Variants in EIF4G3 observed in about 807,000 individuals in gnomAD.
The protein encoded by EIF4G3 is eukaryotic translation initiation factor 4 gamma 3.
A neutral mutation model predicts 186.4 loss-of-function variants in EIF4G3; 34 were observed. That is an observed-to-expected ratio of 0.18 (90% CI 0.14 to 0.24). The LOEUF (loss-of-function observed/expected upper bound fraction) is 0.24, where lower values mean the gene tolerates loss of function less well. EIF4G3 is among the 10% of genes least tolerant of loss of function. The pLI, the probability that EIF4G3 is intolerant of heterozygous loss-of-function variation, is 1.00. For synonymous variants in EIF4G3, 673 were observed against 679.5 expected (o/e 0.99, Z 0.15); for missense variants, 1,536 against 1,948.5 (o/e 0.79, Z 3.99).
At chr1:21,150,684 T>A (rs545804173) in intron 2 of EIF4G3, among the ~76,000 whole-genome samples, 1 of 152,276 alleles carries the variant, frequency 6.6e-6, no homozygotes, top group Admixed American at 6.5e-5. Flanking sequence ...TTGCTAATTA[T>A]AAAAATAACT....
At chr1:20,947,628 G>A (rs2096024074) in intron 13 of EIF4G3, among the ~76,000 whole-genome samples, 1 of 152,086 alleles carries the variant, frequency 6.6e-6, no homozygotes. Flanking sequence ...GAGTAAGGCA[G>A]AAACAGAGAA....
intron 10 of EIF4G3, among the ~76,000 whole-genome samples, chr1:20,973,788 C>T (rs1558510079): frequency 6.6e-6 from 1 of 152,184 alleles, no homozygotes; most frequent in Non-Finnish European, 1.5e-5. Context: ...GACTGTACTG[C>T]CCATCTGCCT....
intron 4 of EIF4G3, among the ~76,000 whole-genome samples, chr1:21,010,419 C>CAAAAAAAA (rs11318361): frequency 2.0e-5 from 2 of 101,152 alleles, no homozygotes; most frequent in African/African-American, 7.9e-5. Context: ...GACTCTGTCT[C>CAAAAAAAA]AAAAAAAAAA....
At chr1:20,941,258 C>G in intron 14 of EIF4G3, 1 of 1,548,874 alleles carries the variant, frequency 6.5e-7, no homozygotes, top group Non-Finnish European at 8.7e-7. Context: ...GTGACATATA[C>G]CTTGGAGGCA....
chr1:20,831,539 T>TC (rs1183907835), intron 30 of EIF4G3, among the ~76,000 whole-genome samples: 2 of 151,640 alleles, frequency 1.3e-5, no homozygotes, highest in Non-Finnish European at 2.9e-5. Flanking sequence ...TTTGCATTTT[T>TC]CTTTTTTTTT....
At chr1:20,911,565 A>T (rs2093223245) in intron 14 of EIF4G3, among the ~76,000 whole-genome samples, 1 of 147,586 alleles carries the variant, frequency 6.8e-6, no homozygotes, top group Non-Finnish European at 1.5e-5. Flanking sequence ...TGCCTCAAAA[A>T]AAAAAAAAAA....
rs1242883140 is a variant in EIF4G3, at chr1:21,024,343, T to TG, written c.-66-21536dup. Among the ~76,000 whole-genome samples, 434 of 139,898 alleles carry TG rather than the reference T, an allele frequency of 3.1e-3. 3 individuals carry two copies. The highest frequency in any genetic ancestry group is 3.9e-3 in the Non-Finnish European group (252 of 64,218). 91.8% of individuals were successfully genotyped at this position (139,898 alleles called of 152,430 possible). A position where few individuals can be genotyped will look rare whatever the true frequency, so the allele number is the denominator to read the frequency against. ...CCAGCCGCCCCGACCGTGAGGGAGG[T>TG]GGGGGGGTCAGCCCCCTGCCCAGCC... is the stretch of plus-strand genomic sequence containing the variant. On this transcript the variant is annotated intron_variant, in intron 4 of 36. Coordinates refer to ENST00000602326, the MANE Select transcript of EIF4G3 (RefSeq NM_001391906.1).
intron 2 of EIF4G3, among the ~76,000 whole-genome samples, chr1:21,157,933 A>G (rs751673213): frequency 2.0e-5 from 3 of 152,158 alleles, no homozygotes; most frequent in Non-Finnish European, 2.9e-5. Flanking sequence ...CTGAAATACA[A>G]GGGAATAATG....
intron 4 of EIF4G3, among the ~76,000 whole-genome samples, chr1:21,023,146 A>G (rs1486172865): frequency 6.6e-6 from 1 of 152,058 alleles, no homozygotes; most frequent in Non-Finnish European, 1.5e-5. Flanking sequence ...GTTGAAAAAG[A>G]CACGATTCCT....
At chr1:20,835,205 G>A (rs925633778) in intron 30 of EIF4G3, among the ~76,000 whole-genome samples, 2 of 152,036 alleles carry the variant, frequency 1.3e-5, no homozygotes, top group African/African-American at 2.4e-5. Context: ...ACAACATACC[G>A]ACACTTATAG....
chr1:20,947,107 C>A (rs2095985430), intron 13 of EIF4G3, among the ~76,000 whole-genome samples: 1 of 152,074 alleles, frequency 6.6e-6, no homozygotes, highest in South Asian at 2.1e-4. Flanking sequence ...AGCACCTTGG[C>A]AGGCCGTAGC....
intron 14 of EIF4G3, among the ~76,000 whole-genome samples, chr1:20,940,467 CATCTCA>C: frequency 6.6e-6 from 1 of 152,178 alleles, no homozygotes; most frequent in East Asian, 1.9e-4. Flanking sequence ...AGAAAAGCCA[CATCTCA>C]AAAGTAGGGA....
chr1:20,902,006 A>G (rs553673988), intron 15 of EIF4G3, among the ~76,000 whole-genome samples: 52 of 152,210 alleles, frequency 3.4e-4, no homozygotes, highest in African/African-American at 1.1e-3. Flanking sequence ...TTATTTTAAG[A>G]TACTTTGCCA....
chr1:21,051,156 A>G (rs1231451806), intron 3 of EIF4G3, among the ~76,000 whole-genome samples, 162 bp from the exon 4 acceptor site: 2 of 152,250 alleles, frequency 1.3e-5, no homozygotes, highest in African/African-American at 2.4e-5. Context: ...ATTGAAAAAA[A>G]CAGAATTCTT....
intron 2 of EIF4G3, among the ~76,000 whole-genome samples, chr1:21,129,698 T>C (rs747159793): frequency 6.6e-6 from 1 of 152,016 alleles, no homozygotes; most frequent in Non-Finnish European, 1.5e-5. Flanking sequence ...AATCTACCGT[T>C]GCCAGGATGA....
At chr1:21,044,639 T>G (rs990616727) in intron 4 of EIF4G3, among the ~76,000 whole-genome samples, 6 of 5,352 alleles carry the variant, frequency 1.1e-3, no homozygotes, top group Non-Finnish European at 0.077. Context: ...CTTCATTCGT[T>G]TTTTTTTTTG....
In EIF4G3 at chr1:20,917,782, A is replaced by G. The variant is rs186889332; in HGVS notation, c.1664-12811T>C. 1.0e-3 allele frequency among the ~76,000 whole-genome samples: 157 copies of G among 152,314 alleles called. 3 individuals are homozygous for G. The highest frequency in any genetic ancestry group is 2.1e-4 in the Non-Finnish European group (14 of 68,024). On this transcript the variant is annotated intron_variant, in intron 14 of 36. Transcript: ENST00000602326. ...TTACATCAACTATACCTCAATAGAA[A>G]TACTGAAGTGTTCTGGGTGGTTTCT...
intron 2 of EIF4G3, among the ~76,000 whole-genome samples, chr1:21,122,296 A>G (rs2096939936): frequency 7.8e-6 from 1 of 128,820 alleles, no homozygotes. Context: ...AAGATATGAA[A>G]ACTCCTTTAT....
chr1:20,857,340 G>C, intron 25 of EIF4G3, 63 bp downstream of exon 25: 1 of 1,252,144 alleles, frequency 8.0e-7, no homozygotes, highest in Non-Finnish European at 1.2e-6. Context: ...GTGTGTGTGT[G>C]TGTGTTTTAA....
Sources: allele counts gnomAD v4.1 joint callset (sites outside exome capture counted in the v4.1 genomes callset), GRCh38; gene constraint gnomAD v4.1.1; transcripts MANE v1.5; gene names NCBI Gene and HGNC (gene_info 2026-07-23, HGNC 2026-07-21).